MRPL42: variants seen among roughly 807,000 people sequenced by gnomAD.
MRPL42 encodes the protein mitochondrial ribosomal protein L42.
A neutral mutation model predicts 17.9 loss-of-function variants in MRPL42; 17 were observed. The observed-to-expected ratio is 0.95, with a 90% CI of 0.65 to 1.42. MRPL42 has a LOEUF of 1.42. MRPL42 is among the 40% of genes most tolerant of loss of function. The pLI, the probability that MRPL42 is intolerant of heterozygous loss-of-function variation, is 0.00. For synonymous variants in MRPL42, 59 were observed against 54.4 expected (o/e 1.08, Z -0.37); for missense variants, 177 against 175.2 (o/e 1.01, Z -0.06).
At position 93,503,151 on chromosome 12, in the gene MRPL42, T is replaced by A. The variant is rs1365845517; in HGVS notation, c.*1930T>A. 1 of 152,152 alleles carries A rather than the reference T, an allele frequency of 6.6e-6. No individual in the cohort carries two copies. Among genetic ancestry groups the A allele is most frequent in the Non-Finnish European group, 1.5e-5 (1 of 68,028 alleles). The allele number at this position is 152,152 out of a possible 1,614,324, so 9.4% of individuals were successfully genotyped here. A position where few individuals can be genotyped will look rare whatever the true frequency, so the allele number is the denominator to read the frequency against. On this transcript the variant is annotated 3_prime_UTR_variant, in exon 6 of 6. Coordinates refer to ENST00000549982, the MANE Select transcript of MRPL42 (RefSeq NM_014050.4). ...GGATGCTTCTTTAATTTAAATACAT[T>A]TAGCTTCATGAAAAACTCACTACAC...
At position 93,485,485 on chromosome 12, in the gene MRPL42, G is replaced by A. The variant is rs180680507; in HGVS notation, c.220-2012G>A. 2.9e-4 allele frequency among the ~76,000 whole-genome samples: 44 copies of A among 152,072 alleles called. 2 individuals are homozygous for A. Among genetic ancestry groups the A allele is most frequent in the Admixed American group, 2.6e-3 (40 of 15,264 alleles). On this transcript the variant is annotated intron_variant, in intron 4 of 5. Transcript: ENST00000549982. ...GGTCTTGTTTCATGTGCATAAACTA[G>A]ATATAAATATATGCTATAATATTTA...
chr12:93,496,818 T>C (rs1236491499), intron 5 of MRPL42, among the ~76,000 whole-genome samples: 4 of 19,952 alleles, frequency 2.0e-4, no homozygotes, highest in African/African-American at 7.3e-4. Flanking sequence ...TGGGGGGGTT[T>C]GGGGGCGGGT....
chr12:93,479,744 A>G (rs751173249), intron 4 of MRPL42, among the ~76,000 whole-genome samples: 7 of 152,132 alleles, frequency 4.6e-5, no homozygotes, highest in African/African-American at 7.2e-5. Context: ...TTAAGGATCA[A>G]ATACATCTAG....
chr12:93,475,854 G>A (rs976036672), intron 2 of MRPL42, among the ~76,000 whole-genome samples: 1 of 151,974 alleles, frequency 6.6e-6, no homozygotes, highest in Admixed American at 6.6e-5. Context: ...CGTGGTGGGG[G>A]CCTGTAGTCC....
Position 93,487,635 on chromosome 12 carries a change from A to G in MRPL42, c.358A>G (p.Lys120Glu), listed in dbSNP as rs1208335696. The change falls in exon 5 of 6, where the codon AAG (lysine) becomes GAG (glutamate). Residue 120 changes from lysine (K) to glutamate (E), a missense_variant. Physicochemically the swap from Lys to Glu is moderately conservative, Grantham distance 56 (BLOSUM62 1). Transcript: ENST00000549982. The stretch of plus-strand genomic sequence containing the variant: ...ACTTAGCAAAATGTTCTTTACTACT[A>G]AGCACCGTTGGTATCCTCATGGACG... The part of the protein sequence containing the change: ...EQLSKMFFTT[K>E]HRWYPHGRYH... The G allele has an allele frequency of 2.5e-6, 4 of 1,612,946 alleles. No individual in the cohort carries two copies. Among genetic ancestry groups the G allele is most frequent in the Non-Finnish European group, 3.4e-6 (4 of 1,179,310 alleles).
rs1158308489 is a variant in MRPL42, at chr12:93,478,929, TA to T, written c.135-458del. 1.9e-3 allele frequency among the ~76,000 whole-genome samples: 288 copies of T among 150,294 alleles called. 2 individuals carry two copies. The highest frequency in any genetic ancestry group is 0.01 in the Middle Eastern group (3 of 294). On this transcript the variant is annotated intron_variant, in intron 3 of 5. Transcript: ENST00000549982. The stretch of plus-strand genomic sequence containing the variant: ...TTTAGCTTTTATTTATTTATTTATT[TA>T]TTTATTTATTTATTTTTTTGAGATG...
At position 93,501,231 on chromosome 12, in the gene MRPL42, T is replaced by G. The variant is rs756815096; in HGVS notation, c.*10T>G. ...TCCAAAAGACAGATGATGCGGAGGT[T>G]CCTGGGGGAATCAAAGAGAAATGTG... On this transcript the variant is annotated 3_prime_UTR_variant, in exon 6 of 6. Coordinates refer to ENST00000549982, the MANE Select transcript of MRPL42 (RefSeq NM_014050.4). The G allele has an allele frequency of 1.3e-5, 20 of 1,595,772 alleles. No individual in the cohort carries two copies. The highest frequency in any genetic ancestry group is 1.7e-5 in the Non-Finnish European group (20 of 1,173,752).
chr12:93,502,453 A>C lies in MRPL42; in HGVS notation c.*1232A>C, dbSNP rs1336365721. 1 of 152,170 alleles carries C rather than the reference A, an allele frequency of 6.6e-6. No homozygotes were observed. The highest frequency in any genetic ancestry group is 1.5e-5 in the Non-Finnish European group (1 of 68,012). 9.4% of individuals were successfully genotyped at this position (152,170 alleles called of 1,614,324 possible). On this transcript the variant is annotated 3_prime_UTR_variant, in exon 6 of 6. Transcript: ENST00000549982. The stretch of plus-strand genomic sequence containing the variant: ...AATTGATATGAAAAATAATTTCTCA[A>C]AGTCTATTGTTTGATCTAGTTATTT...
At chr12:93,476,500 T>C (rs1880186350) in intron 2 of MRPL42, among the ~76,000 whole-genome samples, 2 of 152,206 alleles carry the variant, frequency 1.3e-5, no homozygotes, top group Admixed American at 1.3e-4. Context: ...TTGGAAAGGC[T>C]GGAGTACCCA....
Position 93,476,975 on chromosome 12 carries a change from GT to G in MRPL42, c.93del (p.His32IlefsTer16). 1 of 1,609,568 alleles carries G rather than the reference GT, an allele frequency of 6.2e-7. No homozygotes were observed. The highest frequency in any genetic ancestry group is 8.5e-7 in the Non-Finnish European group (1 of 1,177,096). Reference sequence around the variant, plus strand: ...GCAGATGGAGCTTTATATTGTGTTTGTCATAAATCTACGTATTCTCCTCTAC... The same window carrying G: ...GCAGATGGAGCTTTATATTGTGTTTGCATAAATCTACGTATTCTCCTCTAC... The part of the protein sequence containing the change: ...PVQNGALYCV[C>X]HKSTYSPLPD... On this transcript the variant is annotated frameshift_variant, in exon 3 of 6. Coordinates refer to ENST00000549982, the MANE Select transcript of MRPL42 (RefSeq NM_014050.4). LOFTEE classifies it high-confidence loss of function.
chr12:93,480,002 G>A (rs1880381965), intron 4 of MRPL42, among the ~76,000 whole-genome samples: 1 of 151,564 alleles, frequency 6.6e-6, no homozygotes, highest in South Asian at 2.1e-4. Flanking sequence ...GTACTAGATA[G>A]AAGAGGATTT....
At position 93,503,204 on chromosome 12, in the gene MRPL42, C is replaced by A. The variant is rs1363017935; in HGVS notation, c.*1983C>A. ...TTCTTGTTCAAGCATTATTGGGAAACCACCAGAGGGCACTCTCACCCAGGG... is the reference window on the plus strand; with the variant it reads ...TTCTTGTTCAAGCATTATTGGGAAAACACCAGAGGGCACTCTCACCCAGGG... On this transcript the variant is annotated 3_prime_UTR_variant, in exon 6 of 6. Coordinates refer to ENST00000549982, the MANE Select transcript of MRPL42 (RefSeq NM_014050.4). The A allele has an allele frequency of 6.6e-6, 1 of 152,124 alleles. No homozygotes were observed. Among genetic ancestry groups the A allele is most frequent in the Admixed American group, 6.6e-5 (1 of 15,258 alleles). The allele number at this position is 152,124 out of a possible 1,614,324, so 9.4% of individuals were successfully genotyped here.
At chr12:93,473,686 C>T (rs1376650810) in intron 2 of MRPL42, among the ~76,000 whole-genome samples, 2 of 152,144 alleles carry the variant, frequency 1.3e-5, no homozygotes, top group African/African-American at 4.8e-5. Context: ...CCACCTCAGC[C>T]TCCCAAAGTG....
At chr12:93,478,940 TTA>T (rs201728615) in intron 3 of MRPL42, among the ~76,000 whole-genome samples, 36,405 of 144,606 alleles carry the variant, frequency 0.25, 5,475 homozygotes, top group Non-Finnish European at 0.36. Context: ...ATTTATTTAT[TTA>T]TTTTTTTGAG....
Position 93,485,101 on chromosome 12 carries a change from CTT to C in MRPL42, c.220-2394_220-2393del, listed in dbSNP as rs1364919086. ...CCTAGGCTCAAGCATTCCTTTGCCA[CTT>C]TGACCTTCCTAAGTGCTGGGATTAC... On this transcript the variant is annotated intron_variant, in intron 4 of 5. Transcript: ENST00000549982. Among the ~76,000 whole-genome samples the C allele has an allele frequency of 2.1e-5, 3 of 144,378 alleles. No individual in the cohort carries two copies. In the East Asian group the frequency reaches 6.1e-4, roughly 29 times the overall value. 94.7% of individuals were successfully genotyped at this position (144,378 alleles called of 152,430 possible).
intron 5 of MRPL42, 71 bp from the exon 6 acceptor site, chr12:93,501,105 A>G (rs1953587223): frequency 2.5e-6 from 3 of 1,211,650 alleles, no homozygotes; most frequent in Non-Finnish European, 3.4e-6. Context: ...AAATAATCAT[A>G]GAAGTTAGAT....
intron 5 of MRPL42, among the ~76,000 whole-genome samples, chr12:93,490,565 A>C (rs548452722): frequency 1.3e-5 from 2 of 152,304 alleles, no homozygotes; most frequent in East Asian, 3.9e-4. Flanking sequence ...TGATATCTAC[A>C]TATGTATTTT....
intron 2 of MRPL42, among the ~76,000 whole-genome samples, chr12:93,469,979 C>CT (rs5800107): frequency 8.8e-4 from 128 of 145,924 alleles, no homozygotes; most frequent in South Asian, 2.0e-3. Context: ...GTATTTCTCT[C>CT]TTTTTTTTTT....
chr12:93,512,181 G>A lies in MRPL42; in HGVS notation c.*10960G>A, dbSNP rs1339471137. 1.3e-5 allele frequency: 2 copies of A among 152,202 alleles called. No homozygotes were observed. The highest frequency in any genetic ancestry group is 4.8e-5 in the African/African-American group (2 of 41,440). 9.4% of individuals were successfully genotyped at this position (152,202 alleles called of 1,614,324 possible). On this transcript the variant is annotated 3_prime_UTR_variant, in exon 6 of 6. Transcript: ENST00000549982. The stretch of plus-strand genomic sequence containing the variant: ...AAAGATATACATTGGGCTGGGTGCG[G>A]TGGCTCATGCCTGTAATCCCAGCAC...
Sources: allele counts gnomAD v4.1 joint callset (sites outside exome capture counted in the v4.1 genomes callset), GRCh38; gene constraint gnomAD v4.1.1; transcripts MANE v1.5; gene names NCBI Gene and HGNC (gene_info 2026-07-23, HGNC 2026-07-21).